BRD7: variants seen among roughly 807,000 people sequenced by gnomAD.
BRD7 encodes bromodomain-containing protein 7.
BRD7 carries 15 observed loss-of-function variants against 82.1 expected under a neutral mutation model. The ratio of observed to expected loss-of-function variants is 0.18; its 90% CI spans 0.12 to 0.28. The LOEUF (loss-of-function observed/expected upper bound fraction) is 0.28. Ranked by LOEUF, BRD7 falls within the 10% of genes least tolerant of loss-of-function variation. The pLI, the probability that BRD7 is intolerant of heterozygous loss-of-function variation, is 1.00. For missense variants in BRD7, 638 were observed against 779.9 expected (o/e 0.82, Z 2.17); for synonymous variants, 232 against 266.9 (o/e 0.87, Z 1.27).
At chr16:50,339,620 G>A (rs12596309) in intron 6 of BRD7, among the ~76,000 whole-genome samples, 127,788 of 152,168 alleles carry the variant, frequency 0.84, 53,949 homozygotes, top group East Asian at 1. Flanking sequence ...ACTGACCAAC[G>A]TTAGATTCCA....
intron 12 of BRD7, among the ~76,000 whole-genome samples, chr16:50,322,738 G>A (rs950690471): frequency 7.9e-5 from 12 of 152,216 alleles, no homozygotes; most frequent in East Asian, 1.9e-4. Flanking sequence ...TTCAATTTTC[G>A]TTAGACTATT....
Position 50,319,286 on chromosome 16 carries a change from C to T in BRD7, c.1901-20G>A, listed in dbSNP as rs1482855013. ...CAGTGTCTGAAAGAAAAAGACATCA[C>T]TTAATTCAACATTGTTTTTACCTTT... On this transcript the variant is annotated intron_variant, in intron 16 of 16. Transcript: ENST00000394688. 1.2e-6 allele frequency: 2 copies of T among 1,609,662 alleles called. No homozygotes were observed. Among genetic ancestry groups the T allele is most frequent in the Non-Finnish European group, 1.7e-6 (2 of 1,177,918 alleles).
intron 16 of BRD7, 74 bp from the exon 17 acceptor site, chr16:50,319,340 C>T (rs2036964455): frequency 2.1e-6 from 3 of 1,457,148 alleles, no homozygotes; most frequent in Non-Finnish European, 2.9e-6. Context: ...GAAAGTCAAG[C>T]TGCCATCCAG....
rs375793137 is a variant in BRD7 at position 50,341,928 on chromosome 16, T to TCACACACACACA, written c.592-1854_592-1843dup. Among the ~76,000 whole-genome samples, 933 of 143,630 alleles carry TCACACACACACA rather than the reference T, an allele frequency of 6.5e-3. 11 individuals are homozygous for TCACACACACACA. Among genetic ancestry groups the TCACACACACACA allele is most frequent in the East Asian group, 0.04 (190 of 4,784 alleles). The allele number at this position is 143,630 out of a possible 152,430, so 94.2% of individuals were successfully genotyped here. A position where few individuals can be genotyped will look rare whatever the true frequency, so the allele number is the denominator to read the frequency against. On this transcript the variant is annotated intron_variant, in intron 5 of 16. Coordinates refer to ENST00000394688, the MANE Select transcript of BRD7 (RefSeq NM_013263.5). ...AAAGCTGAGTCTTCCTGCACACTTT[T>TCACACACACACA]CACACACACACACACACACACACAC...
intron 6 of BRD7, among the ~76,000 whole-genome samples, chr16:50,338,541 C>G (rs866784585): frequency 7.2e-5 from 11 of 152,196 alleles, no homozygotes; most frequent in Non-Finnish European, 1.0e-4. Context: ...TTTTTATCAT[C>G]CTTTAACTCC....
At chr16:50,363,672 C>CGT (rs1203931478) in intron 2 of BRD7, among the ~76,000 whole-genome samples, 4 of 63,418 alleles carry the variant, frequency 6.3e-5, no homozygotes, top group Non-Finnish European at 2.3e-4. Flanking sequence ...CGCGCGCGCG[C>CGT]GTGCGCGTGT....
At chr16:50,366,507 A>G (rs578229390) in intron 2 of BRD7, among the ~76,000 whole-genome samples, 5 of 152,384 alleles carry the variant, frequency 3.3e-5, no homozygotes, top group African/African-American at 7.2e-5. Flanking sequence ...GATCAGATCT[A>G]TATTTGCATA....
intron 2 of BRD7, among the ~76,000 whole-genome samples, chr16:50,358,026 C>T (rs1036233909): frequency 1.2e-4 from 19 of 152,206 alleles, no homozygotes; most frequent in African/African-American, 4.1e-4. Flanking sequence ...AACGGCCAAA[C>T]TGTAAACATT....
At position 50,317,943 on chromosome 16, in the gene BRD7, A is replaced by ATACTT. The variant is rs1328381121; in HGVS notation, c.*1263_*1267dup. ...AGAAGAGAAGATCATTAACCACTGT[A>ATACTT]TACTTTGTGTATATAATAGGTCAGT... On this transcript the variant is annotated 3_prime_UTR_variant, in exon 17 of 17. Transcript: ENST00000394688. 1.3e-5 allele frequency: 2 copies of ATACTT among 152,324 alleles called. No homozygotes were observed. Among genetic ancestry groups the ATACTT allele is most frequent in the Non-Finnish European group, 2.9e-5 (2 of 68,030 alleles). The allele number at this position is 152,324 out of a possible 1,614,324, so 9.4% of individuals were successfully genotyped here. A position where few individuals can be genotyped will look rare whatever the true frequency, so the allele number is the denominator to read the frequency against.
chr16:50,343,659 G>A (rs1049685746), intron 5 of BRD7, among the ~76,000 whole-genome samples: 7 of 152,110 alleles, frequency 4.6e-5, no homozygotes, highest in East Asian at 1.9e-4. Context: ...ATTATATCCC[G>A]CGCATGGCTC....
rs750002652 is a variant in BRD7 at position 50,333,707 on chromosome 16, T to G, written c.888-10A>C. 6.9e-6 allele frequency: 10 copies of G among 1,454,538 alleles called. No individual in the cohort carries two copies. The highest frequency in any genetic ancestry group is 9.2e-6 in the Non-Finnish European group (10 of 1,085,136). 90.1% of individuals were successfully genotyped at this position (1,454,538 alleles called of 1,614,324 possible). On this transcript the variant is annotated splice_polypyrimidine_tract_variant and intron_variant, in intron 7 of 16. Coordinates refer to ENST00000394688, the MANE Select transcript of BRD7 (RefSeq NM_013263.5). ...CATATCTTTGTCTTTCCTGAAAATA[T>G]ACATTAATACTAAGTAAAAAAAAAA... is the stretch of plus-strand genomic sequence containing the variant.
Position 50,354,814 on chromosome 16 carries a change from T to C in BRD7, c.367A>G (p.Ser123Gly). The change falls in exon 3 of 17, where the codon AGC becomes GGC. Residue 123 changes from serine to glycine, a missense_variant. Ser to Gly is a moderately conservative substitution (Grantham distance 56). Coordinates refer to ENST00000394688, the MANE Select transcript of BRD7 (RefSeq NM_013263.5). ...CAACCTTCTTGTTTGGCTAAAGAGCTTGTGAGAGGCTTCTCAGGAGGCAAG... is the reference window on the plus strand; with the variant it reads ...CAACCTTCTTGTTTGGCTAAAGAGCCTGTGAGAGGCTTCTCAGGAGGCAAG... ...LDLPPEKPLT[S>G]SLAKQEEVEQ... is the part of the protein sequence containing the mutation. 6.2e-7 allele frequency: 1 copy of C among 1,612,070 alleles called. No homozygotes were observed. Among genetic ancestry groups the C allele is most frequent in the Non-Finnish European group, 8.5e-7 (1 of 1,179,868 alleles).
intron 12 of BRD7, 93 bp downstream of exon 12, chr16:50,323,494 C>T (rs1241346400): frequency 2.8e-6 from 3 of 1,076,312 alleles, no homozygotes; most frequent in African/African-American, 3.1e-5. Flanking sequence ...GTTCAGCTGT[C>T]ATACTTGTTA....
rs144848057 is a variant in BRD7, at chr16:50,368,143, C to T, written c.205G>A (p.Gly69Arg). The change falls in exon 2 of 17, where the codon GGA becomes AGA. Residue 69 changes from glycine to arginine, a missense_variant. Transcript: ENST00000394688. ...KDRKRKKRKKGEKQIPGEEKG... is the reference protein window; with the variant it reads ...KDRKRKKRKKREKQIPGEEKG... ...TCTTCCCCTGGAATCTGCTTCTCTC[C>T]TTTCTTTCTCTTTTTCCGCTTTCTG... 2.5e-6 allele frequency: 4 copies of T among 1,614,070 alleles called. No homozygotes were observed. Among genetic ancestry groups the T allele is most frequent in the African/African-American group, 1.3e-5 (1 of 75,038 alleles).
chr16:50,341,193 C>T (rs1417512967), intron 5 of BRD7, among the ~76,000 whole-genome samples: 1 of 88,816 alleles, frequency 1.1e-5, no homozygotes, highest in Non-Finnish European at 2.1e-5. Flanking sequence ...CACACACACA[C>T]ACACACACAC....
In BRD7 at chr16:50,368,916, G is replaced by C; in HGVS notation, c.-142C>G. 3.5e-6 allele frequency: 1 copy of C among 286,688 alleles called. No individual in the cohort carries two copies. The highest frequency in any genetic ancestry group is 5.2e-6 in the Non-Finnish European group (1 of 193,610). 17.8% of individuals were successfully genotyped at this position (286,688 alleles called of 1,614,324 possible). A position where few individuals can be genotyped will look rare whatever the true frequency, so the allele number is the denominator to read the frequency against. On this transcript the variant is annotated 5_prime_UTR_variant, in exon 1 of 17. Coordinates refer to ENST00000394688, the MANE Select transcript of BRD7 (RefSeq NM_013263.5). ...GAGGCAGGGGGGCGGCGCGCGCCGGGCGGCGCGATGCCCCTCTCGAGAAGA... is the reference window on the plus strand; with the variant it reads ...GAGGCAGGGGGGCGGCGCGCGCCGGCCGGCGCGATGCCCCTCTCGAGAAGA...
chr16:50,368,144 T>C lies in BRD7; in HGVS notation c.204A>G (p.Lys68=). 6 of 1,614,106 alleles carry C rather than the reference T, an allele frequency of 3.7e-6. No homozygotes were observed. Among genetic ancestry groups the C allele is most frequent in the Non-Finnish European group, 5.1e-6 (6 of 1,179,946 alleles). The change falls in exon 2 of 17, where the codon AAA becomes AAG. Residue 68 remains lysine, a synonymous_variant. Coordinates refer to ENST00000394688, the MANE Select transcript of BRD7 (RefSeq NM_013263.5). ...CTTCCCCTGGAATCTGCTTCTCTCC[T>C]TTCTTTCTCTTTTTCCGCTTTCTGT... The part of the protein sequence containing the change: ...HKDRKRKKRK[K]GEKQIPGEEK...
At chr16:50,343,561 G>A (rs969865080) in intron 5 of BRD7, among the ~76,000 whole-genome samples, 4 of 152,196 alleles carry the variant, frequency 2.6e-5, no homozygotes, top group Non-Finnish European at 5.9e-5. Flanking sequence ...CTAGCCAAGG[G>A]AAGCTGTGAC....
intron 2 of BRD7, among the ~76,000 whole-genome samples, chr16:50,363,423 C>A (rs1333731779): frequency 6.6e-6 from 1 of 152,200 alleles, no homozygotes; most frequent in Non-Finnish European, 1.5e-5. Flanking sequence ...TAAGAAAATT[C>A]ATCACTTTCA....
Sources: allele counts gnomAD v4.1 joint callset (sites outside exome capture counted in the v4.1 genomes callset), GRCh38; gene constraint gnomAD v4.1.1; transcripts MANE v1.5; gene names NCBI Gene and HGNC (gene_info 2026-07-23, HGNC 2026-07-21).